The following EYS variants were observed in gnomAD, a reference collection of about 807,000 sequenced individuals.
The protein encoded by EYS is protein eyes shut homolog.
A neutral mutation model predicts 282.1 loss-of-function variants in EYS; 250 were observed. That is an observed-to-expected ratio of 0.89 (90% CI 0.80 to 0.98). EYS has a LOEUF of 0.98. Ranked by LOEUF, EYS falls within the 50% of genes least tolerant of loss-of-function variation. The pLI is 0.00. For missense variants in EYS, 4,016 were observed against 3,709.0 expected, an observed-to-expected ratio of 1.08 and a Z score of -2.15; for synonymous variants, 1,355 against 1,282.9, an observed-to-expected ratio of 1.06 and a Z score of -1.20.
chr6:65,244,660 C>T (rs1442184323), intron 12 of EYS, among the ~76,000 whole-genome samples: 1 of 150,640 alleles, frequency 6.6e-6, no homozygotes, highest in Non-Finnish European at 1.5e-5. Flanking sequence ...CTACAGGCGC[C>T]CGCCAGCCCT....
intron 22 of EYS, among the ~76,000 whole-genome samples, chr6:64,694,073 C>G (rs1326253165): frequency 6.6e-6 from 1 of 151,988 alleles, no homozygotes; most frequent in African/African-American, 2.4e-5. Flanking sequence ...TGATTTTTTT[C>G]TCTATACAAA....
At chr6:65,068,533 T>G (rs762208176) in intron 12 of EYS, among the ~76,000 whole-genome samples, 3 of 152,060 alleles carry the variant, frequency 2.0e-5, no homozygotes, top group Admixed American at 6.6e-5. Flanking sequence ...TTTAGTGATA[T>G]CAGGAAAGCA....
At chr6:64,801,985 C>G (rs535642560) in intron 22 of EYS, among the ~76,000 whole-genome samples, 35 of 135,696 alleles carry the variant, frequency 2.6e-4, no homozygotes, top group African/African-American at 9.2e-4. Flanking sequence ...AATGGGGATA[C>G]TAATTTGTTA....
chr6:63,875,502 G>A (rs1562072754), intron 35 of EYS, among the ~76,000 whole-genome samples: 1 of 152,170 alleles, frequency 6.6e-6, no homozygotes, highest in Non-Finnish European at 1.5e-5. Context: ...AGTTATGGAG[G>A]AGTCCCTCTT....
intron 26 of EYS, among the ~76,000 whole-genome samples, chr6:64,446,858 A>G (rs1393596228): frequency 6.6e-6 from 1 of 152,040 alleles, no homozygotes; most frequent in Non-Finnish European, 1.5e-5. Flanking sequence ...TGCTCTCCAC[A>G]GTATATATCA....
intron 29 of EYS, among the ~76,000 whole-genome samples, chr6:64,322,121 C>T (rs1408211857): frequency 5.3e-5 from 8 of 151,912 alleles, no homozygotes; most frequent in Non-Finnish European, 1.5e-5. Flanking sequence ...ACAGGGTCAC[C>T]ATATATGGTT....
intron 2 of EYS, among the ~76,000 whole-genome samples, chr6:65,617,008 T>A (rs953312038): frequency 5.3e-5 from 8 of 152,136 alleles, no homozygotes; most frequent in Admixed American, 2.0e-4. Flanking sequence ...TTAAACATCA[T>A]ATGCAGTTAC....
At chr6:65,377,395 A>T (rs1765410655) in intron 8 of EYS, among the ~76,000 whole-genome samples, 1 of 152,210 alleles carries the variant, frequency 6.6e-6, no homozygotes, top group South Asian at 2.1e-4. Flanking sequence ...GGAAATTTAT[A>T]GCACCAGATG....
intron 31 of EYS, among the ~76,000 whole-genome samples, chr6:64,153,935 T>G (rs1400747093): frequency 1.3e-5 from 2 of 152,036 alleles, no homozygotes; most frequent in African/African-American, 4.8e-5. Flanking sequence ...GCTGCAAGAC[T>G]CAAAAAATGA....
intron 8 of EYS, among the ~76,000 whole-genome samples, chr6:65,362,393 A>C (rs1764744319): frequency 6.6e-6 from 1 of 152,062 alleles, no homozygotes; most frequent in Admixed American, 6.6e-5. Flanking sequence ...CTGCAAGTTG[A>C]GTATGTCATT....
chr6:64,361,119 C>T (rs1336509832), intron 29 of EYS, among the ~76,000 whole-genome samples: 12 of 151,574 alleles, frequency 7.9e-5, no homozygotes, highest in Admixed American at 6.6e-4. Flanking sequence ...GAATATGGAA[C>T]TATATATTTT....
intron 5 of EYS, among the ~76,000 whole-genome samples, chr6:65,465,998 C>A (rs1416436076): frequency 7.3e-6 from 1 of 136,258 alleles, no homozygotes; most frequent in African/African-American, 2.7e-5. Context: ...ATCAATCAAT[C>A]AATAATAAAT....
At chr6:64,794,942 T>C (rs550949803) in intron 22 of EYS, among the ~76,000 whole-genome samples, 3 of 152,188 alleles carry the variant, frequency 2.0e-5, no homozygotes, top group Admixed American at 6.5e-5. Context: ...GGGATAGAAA[T>C]AGACATTACC....
At chr6:64,011,558 T>C (rs561606782) in intron 33 of EYS, among the ~76,000 whole-genome samples, 1 of 152,278 alleles carries the variant, frequency 6.6e-6, no homozygotes, top group Admixed American at 6.5e-5. Context: ...TTTCCAGTGG[T>C]ATATTTCAAA....
chr6:64,142,110 A>G (rs1470232879), intron 31 of EYS, among the ~76,000 whole-genome samples: 1 of 152,078 alleles, frequency 6.6e-6, no homozygotes, highest in Non-Finnish European at 1.5e-5. Context: ...CTCGAGGTGG[A>G]GAGAAAAAGA....
chr6:64,652,237 C>A (rs1768587967), intron 22 of EYS, among the ~76,000 whole-genome samples: 1 of 152,082 alleles, frequency 6.6e-6, no homozygotes, highest in Admixed American at 6.6e-5. Context: ...ACTTTGTGAT[C>A]AAGTTTTATG....
At chr6:64,946,467 A>C (rs1769291943) in intron 14 of EYS, among the ~76,000 whole-genome samples, 1 of 152,020 alleles carries the variant, frequency 6.6e-6, no homozygotes, top group African/African-American at 2.4e-5. Flanking sequence ...CTAGAGGTAA[A>C]ATTTTGCTTT....
chr6:64,246,527 T>C (rs978223011), intron 30 of EYS, among the ~76,000 whole-genome samples: 5 of 152,168 alleles, frequency 3.3e-5, no homozygotes, highest in South Asian at 4.1e-4. Context: ...GGCTTAGACA[T>C]GTGTGTACAG....
chr6:64,749,839 T>C (rs538451780), intron 22 of EYS, among the ~76,000 whole-genome samples: 16 of 152,244 alleles, frequency 1.1e-4, no homozygotes, highest in Non-Finnish European at 2.1e-4. Context: ...TTTTTAATAT[T>C]TGAGTAACTG....
Sources: allele counts gnomAD v4.1 joint callset (sites outside exome capture counted in the v4.1 genomes callset), GRCh38; gene constraint gnomAD v4.1.1; transcripts MANE v1.5; gene names NCBI Gene and HGNC (gene_info 2026-07-23, HGNC 2026-07-21).